KCNQ1: variants seen among roughly 807,000 people sequenced by gnomAD.
The protein encoded by KCNQ1 is potassium voltage-gated channel subfamily Q member 1.
Under a neutral mutation model 72.4 loss-of-function variants are expected in KCNQ1, and 49 were observed. The observed-to-expected ratio is 0.68, with a 90% CI of 0.54 to 0.86. The LOEUF (loss-of-function observed/expected upper bound fraction) is 0.86, where lower values mean the gene tolerates loss of function less well. Among genes scored for constraint, KCNQ1 ranks in the 40% least tolerant of loss-of-function variants. The pLI, the probability that KCNQ1 is intolerant of heterozygous loss-of-function variation, is 0.00. For synonymous variants in KCNQ1, 450 were observed against 412.6 expected (o/e 1.09, Z -1.10); for missense variants, 790 against 945.1 (o/e 0.84, Z 2.15).
rs1043288467 is a variant in KCNQ1, at chr11:2,671,999, C to G, written c.1514+9918C>G. The G allele has an allele frequency of 2.5e-6, 1 of 398,466 alleles. No individual in the cohort carries two copies. Among genetic ancestry groups the G allele is most frequent in the African/African-American group, 2.1e-5 (1 of 48,576 alleles). 24.7% of individuals were successfully genotyped at this position (398,466 alleles called of 1,614,324 possible). ...GCTAGCACCCCTGACTTCAAGTCCT[C>G]GAGTGTATGTTGGGCTTGTCTCCCT... On this transcript the variant is annotated intron_variant, in intron 11 of 15. Coordinates refer to ENST00000155840, the MANE Select transcript of KCNQ1 (RefSeq NM_000218.3). The surrounding 1 kb of genome is among the most constrained non-coding windows in gnomAD (Gnocchi z 4.7).
chr11:2,689,044 AG>A, intron 11 of KCNQ1: 1 of 398,750 alleles, frequency 2.5e-6, no homozygotes, highest in Non-Finnish European at 4.4e-6. Flanking sequence ...CAGGGTTTTG[AG>A]GGGCAGTTAC....
rs938131245 is a variant in KCNQ1 at position 2,785,018 on chromosome 11, T to G, written c.1794+6981T>G. Among the ~76,000 whole-genome samples the G allele has an allele frequency of 1.5e-4, 23 of 152,052 alleles. No individual in the cohort carries two copies. The highest frequency in any genetic ancestry group is 5.5e-4 in the African/African-American group (23 of 41,472). On this transcript the variant is annotated intron_variant, in intron 15 of 15. Coordinates refer to ENST00000155840, the MANE Select transcript of KCNQ1 (RefSeq NM_000218.3). The surrounding 1 kb of genome is among the most constrained non-coding windows in gnomAD (Gnocchi z 4.4). The stretch of plus-strand genomic sequence containing the variant: ...TCCAGTCAGATGCCTTTAATTTCTT[T>G]GTTTTGCCTAATTGCACTGGCTTGA...
At position 2,772,904 on chromosome 11, in the gene KCNQ1, A is replaced by C. The variant is rs1182401944; in HGVS notation, c.1591-3056A>C. 6.6e-6 allele frequency among the ~76,000 whole-genome samples: 1 copy of C among 152,098 alleles called. No individual in the cohort carries two copies. Among genetic ancestry groups the C allele is most frequent in the African/African-American group, 2.4e-5 (1 of 41,414 alleles). On this transcript the variant is annotated intron_variant, in intron 12 of 15. Transcript: ENST00000155840. The surrounding 1 kb of genome is among the most constrained non-coding windows in gnomAD (Gnocchi z 6.6). ...GATGGCTGGAGGTGCCCCATGCTTC[A>C]GCTTCACAGAGCTCTGTGGTCTGCA...
At chr11:2,585,087 G>A (rs1848572890) in intron 7 of KCNQ1, 125 bp from the exon 8 acceptor site, 10 of 837,790 alleles carry the variant, frequency 1.2e-5, no homozygotes, top group Non-Finnish European at 2.1e-5. Flanking sequence ...GGTGGGACTT[G>A]GGGGGGCTTC....
chr11:2,569,697 C>G (rs1157430082), intron 2 of KCNQ1, among the ~76,000 whole-genome samples: 3 of 152,248 alleles, frequency 2.0e-5, no homozygotes, highest in African/African-American at 4.8e-5. Flanking sequence ...GCGCTGGGCT[C>G]CAGCCTGCAG....
rs1209646823 is a variant in KCNQ1 at position 2,828,552 on chromosome 11, G to A, written c.1795-19215G>A. Among the ~76,000 whole-genome samples, 1 of 152,082 alleles carries A rather than the reference G, an allele frequency of 6.6e-6. No homozygotes were observed. The highest frequency in any genetic ancestry group is 1.5e-5 in the Non-Finnish European group (1 of 68,022). ...CAGGAAGAAGAGCCACCAAGAATGA[G>A]GCAGTTCCCAACCCAGGACCCTGAC... On this transcript the variant is annotated intron_variant, in intron 15 of 15. Coordinates refer to ENST00000155840, the MANE Select transcript of KCNQ1 (RefSeq NM_000218.3). This position sits in a 1 kb window ranked among gnomAD's most constrained non-coding sequence, Gnocchi z 5.3.
At chr11:2,765,253 G>C (rs189329940) in intron 11 of KCNQ1, among the ~76,000 whole-genome samples, 24 of 151,964 alleles carry the variant, frequency 1.6e-4, no homozygotes, top group African/African-American at 4.6e-4. Flanking sequence ...ATTTTTCTTT[G>C]ACCCCTGGGT....
chr11:2,520,716 G>A (rs1847367569), intron 1 of KCNQ1, among the ~76,000 whole-genome samples: 1 of 152,174 alleles, frequency 6.6e-6, no homozygotes, highest in Admixed American at 6.5e-5. Context: ...AGCAGGGGAA[G>A]CCTGTCCTCT....
At position 2,723,011 on chromosome 11, in the gene KCNQ1, T is replaced by C. The variant is rs1424818635; in HGVS notation, c.1515-45833T>C. 6.6e-6 allele frequency among the ~76,000 whole-genome samples: 1 copy of C among 152,184 alleles called. No homozygotes were observed. Among genetic ancestry groups the C allele is most frequent in the East Asian group, 1.9e-4 (1 of 5,186 alleles). ...TCGGGGCAGGCTCACCTCACACCCT[T>C]GTGGGCCAGCTGCGGCCCAAAAGCC... On this transcript the variant is annotated intron_variant, in intron 11 of 15. Coordinates refer to ENST00000155840, the MANE Select transcript of KCNQ1 (RefSeq NM_000218.3). This position sits in a 1 kb window ranked among gnomAD's most constrained non-coding sequence, Gnocchi z 4.2.
Position 2,645,288 on chromosome 11 carries a change from C to A in KCNQ1, c.1394-16673C>A. On this transcript the variant is annotated intron_variant, in intron 10 of 15. Coordinates refer to ENST00000155840, the MANE Select transcript of KCNQ1 (RefSeq NM_000218.3). The surrounding 1 kb of genome is among the most constrained non-coding windows in gnomAD (Gnocchi z 5.8). ...CAGTTGGGTAGGGCAGTCCTCAAGC[C>A]CCCAGGAGTGCTCAGGTGCCAACAA... 5.0e-6 allele frequency: 2 copies of A among 398,640 alleles called. No individual in the cohort carries two copies. The highest frequency in any genetic ancestry group is 8.8e-6 in the Non-Finnish European group (2 of 226,172). The allele number at this position is 398,640 out of a possible 1,614,324, so 24.7% of individuals were successfully genotyped here. A position where few individuals can be genotyped will look rare whatever the true frequency, so the allele number is the denominator to read the frequency against.
rs766302522 is a variant in KCNQ1, at chr11:2,588,877, G to A, written c.1393+23G>A. On this transcript the variant is annotated intron_variant, in intron 10 of 15. Transcript: ENST00000155840. The surrounding 1 kb of genome is among the most constrained non-coding windows in gnomAD (Gnocchi z 5.6). ...CTGGTGAGAACCCCTCAGGCAGTTG[G>A]GGGCCGCGGGGCCGGGAAGGTCACT... is the stretch of plus-strand genomic sequence containing the variant. The A allele has an allele frequency of 6.2e-7, 1 of 1,609,744 alleles. No homozygotes were observed. The highest frequency in any genetic ancestry group is 1.3e-5 in the African/African-American group (1 of 74,858).
intron 4 of KCNQ1, 55 bp from the exon 5 acceptor site, chr11:2,571,958 C>T (rs1311334204): frequency 8.1e-6 from 12 of 1,481,990 alleles, no homozygotes; most frequent in East Asian, 2.3e-5. Flanking sequence ...CTAGGCCCGG[C>T]GTGAACAGCT....
intron 1 of KCNQ1, among the ~76,000 whole-genome samples, chr11:2,459,596 G>T (rs1206067688): frequency 6.6e-6 from 1 of 152,148 alleles, no homozygotes; most frequent in African/African-American, 2.4e-5. Flanking sequence ...TAAGCCAACC[G>T]GGCAGGGACA....
chr11:2,670,150 T>C lies in KCNQ1; in HGVS notation c.1514+8069T>C. 1 of 398,666 alleles carries C rather than the reference T, an allele frequency of 2.5e-6. No individual in the cohort carries two copies. The highest frequency in any genetic ancestry group is 4.4e-6 in the Non-Finnish European group (1 of 226,102). The allele number at this position is 398,666 out of a possible 1,614,324, so 24.7% of individuals were successfully genotyped here. On this transcript the variant is annotated intron_variant, in intron 11 of 15. Coordinates refer to ENST00000155840, the MANE Select transcript of KCNQ1 (RefSeq NM_000218.3). This position sits in a 1 kb window ranked among gnomAD's most constrained non-coding sequence, Gnocchi z 4.9. ...TGCATCTGTCATTTGTTCTTATCAC[T>C]GTCGGGCCCATCTGCCAAGGCAAGC...
chr11:2,770,692 C>T (rs753020179), intron 12 of KCNQ1, among the ~76,000 whole-genome samples: 1 of 152,244 alleles, frequency 6.6e-6, no homozygotes, highest in African/African-American at 2.4e-5. Flanking sequence ...GGCCAGTGCC[C>T]GGAGATCTGC....
intron 11 of KCNQ1, chr11:2,672,309 G>T: frequency 2.5e-6 from 1 of 398,580 alleles, no homozygotes; most frequent in Non-Finnish European, 4.4e-6. Context: ...CTCCAGGTGG[G>T]AGCTCAAGGG....
intron 11 of KCNQ1, chr11:2,686,827 T>C: frequency 2.5e-6 from 1 of 398,690 alleles, no homozygotes; most frequent in Non-Finnish European, 4.4e-6. Context: ...GCAGCACAAG[T>C]AACTCAGAGC....
rs1847433470 is a variant in KCNQ1 at position 2,809,044 on chromosome 11, G to A, written c.1794+31007G>A. Among the ~76,000 whole-genome samples, 2 of 149,324 alleles carry A rather than the reference G, an allele frequency of 1.3e-5. No individual in the cohort carries two copies. Among genetic ancestry groups the A allele is most frequent in the Admixed American group, 1.3e-4 (2 of 14,854 alleles). On this transcript the variant is annotated intron_variant, in intron 15 of 15. Transcript: ENST00000155840. This position sits in a 1 kb window ranked among gnomAD's most constrained non-coding sequence, Gnocchi z 7.1. ...GGAGGAATGGAGGAATGGATGGATGGAGGGGTGGGTAGGTGGGTGGGTAGG... is the reference window on the plus strand; with the variant it reads ...GGAGGAATGGAGGAATGGATGGATGAAGGGGTGGGTAGGTGGGTGGGTAGG...
intron 11 of KCNQ1, chr11:2,692,281 C>T (rs1215768914): frequency 2.8e-5 from 11 of 398,876 alleles, no homozygotes; most frequent in Non-Finnish European, 4.9e-5. Flanking sequence ...ATCCATAGTT[C>T]TAGAGGTTCC....
Sources: allele counts gnomAD v4.1 joint callset (sites outside exome capture counted in the v4.1 genomes callset), GRCh38; gene constraint gnomAD v4.1.1; non-coding constraint Gnocchi (gnomAD v3.1); transcripts MANE v1.5; gene names NCBI Gene and HGNC (gene_info 2026-07-23, HGNC 2026-07-21).